The following UNC13B variants were observed in gnomAD, a reference collection of about 807,000 sequenced individuals.
UNC13B encodes the protein unc-13 homolog B, also known as protein unc-13 homolog B.
In UNC13B, 144 loss-of-function variants were observed where a neutral mutation model predicts 211.0. The observed-to-expected ratio is 0.68, with a 90% CI of 0.60 to 0.78. UNC13B has a LOEUF of 0.78. Ranked by LOEUF, UNC13B falls within the 30% of genes least tolerant of loss-of-function variation. The pLI is 0.00. For missense variants in UNC13B, 1,777 were observed against 2,002.0 expected (o/e 0.89, Z 2.14); for synonymous variants, 709 against 725.8 (o/e 0.98, Z 0.37).
At chr9:35,284,212 G>A (rs1359686101) in intron 7 of UNC13B, among the ~76,000 whole-genome samples, 2 of 152,162 alleles carry the variant, frequency 1.3e-5, no homozygotes, top group South Asian at 2.1e-4. Context: ...GTTACAGTGA[G>A]CTGAGATCAT....
chr9:35,367,263 G>A (rs770669060), intron 12 of UNC13B, among the ~76,000 whole-genome samples: 38 of 151,998 alleles, frequency 2.5e-4, no homozygotes, highest in Non-Finnish European at 4.3e-4. Flanking sequence ...TATAATTTCT[G>A]GTCCATCTTT....
intron 36 of UNC13B, 41 bp from the exon 37 acceptor site, chr9:35,400,255 T>C: frequency 6.2e-7 from 1 of 1,604,184 alleles, no homozygotes. Context: ...CTGCTTTCTG[T>C]AAGGGGATGA....
intron 11 of UNC13B, among the ~76,000 whole-genome samples, chr9:35,343,950 T>G (rs1236830024): frequency 6.6e-6 from 1 of 152,206 alleles, no homozygotes; most frequent in Non-Finnish European, 1.5e-5. Context: ...GGCTATTGGG[T>G]TAGATAAAAT....
intron 11 of UNC13B, among the ~76,000 whole-genome samples, chr9:35,350,663 T>A (rs1247895622): frequency 6.6e-6 from 1 of 152,234 alleles, no homozygotes; most frequent in Non-Finnish European, 1.5e-5. Context: ...GTCTGGACAG[T>A]GTGTGCGTAC....
intron 7 of UNC13B, among the ~76,000 whole-genome samples, chr9:35,278,113 A>G (rs1828280402): frequency 6.6e-6 from 1 of 152,206 alleles, no homozygotes; most frequent in South Asian, 2.1e-4. Flanking sequence ...GGCTTAGAGT[A>G]CAGTGATGTC....
At position 35,246,491 on chromosome 9, in the gene UNC13B, A is replaced by G. The variant is rs1215425672; in HGVS notation, c.468+3127A>G. ...GGGTTTTTATGATTTTAGGTCTAAC[A>G]TTTAAGTCTTTAATCCATCTTGAAT... is the stretch of plus-strand genomic sequence containing the variant. On this transcript the variant is annotated intron_variant, in intron 6 of 39. Transcript: ENST00000635942. Among the ~76,000 whole-genome samples, 4 of 152,266 alleles carry G rather than the reference A, an allele frequency of 2.6e-5. No individual in the cohort carries two copies. The South Asian group carries it at 8.3e-4, about 32-fold the overall frequency.
At chr9:35,208,570 G>T (rs1823791984) in intron 1 of UNC13B, among the ~76,000 whole-genome samples, 2 of 152,228 alleles carry the variant, frequency 1.3e-5, no homozygotes, top group Admixed American at 1.3e-4. Context: ...CATGGTGGAA[G>T]GCGAAAGGGA....
intron 11 of UNC13B, among the ~76,000 whole-genome samples, chr9:35,337,541 C>A (rs1831732534): frequency 6.6e-6 from 1 of 152,226 alleles, no homozygotes; most frequent in Admixed American, 6.5e-5. Context: ...TTCCACCATG[C>A]TTCCCTCTTA....
intron 7 of UNC13B, among the ~76,000 whole-genome samples, chr9:35,279,059 G>T (rs1268128444): frequency 6.6e-6 from 1 of 152,138 alleles, no homozygotes; most frequent in Non-Finnish European, 1.5e-5. Context: ...AACTCATGTA[G>T]CATAAAATAA....
At chr9:35,210,232 A>G (rs974309782) in intron 1 of UNC13B, among the ~76,000 whole-genome samples, 18 of 152,102 alleles carry the variant, frequency 1.2e-4, no homozygotes, top group African/African-American at 3.9e-4. Context: ...CCTCCACTCA[A>G]TTTGTATATA....
intron 11 of UNC13B, chr9:35,364,705 G>C (rs527811410): frequency 2.9e-5 from 30 of 1,023,198 alleles, no homozygotes; most frequent in Non-Finnish European, 3.9e-5. Context: ...TCTGAGCTTT[G>C]GCTCATGCAG....
chr9:35,375,446 G>T (rs1412683753), intron 14 of UNC13B, among the ~76,000 whole-genome samples: 1 of 152,224 alleles, frequency 6.6e-6, no homozygotes, highest in Non-Finnish European at 1.5e-5. Flanking sequence ...AAGGTTTTAT[G>T]ATGGACCTAG....
intron 6 of UNC13B, among the ~76,000 whole-genome samples, chr9:35,248,273 C>A (rs1196337104): frequency 6.6e-6 from 1 of 152,084 alleles, no homozygotes; most frequent in South Asian, 2.1e-4. Context: ...TGCTAGCAGT[C>A]TATCAATTTT....
Position 35,380,570 on chromosome 9 carries a change from G to A in UNC13B, c.10306G>A (p.Asp3436Asn). The A allele has an allele frequency of 6.2e-7, 1 of 1,614,212 alleles. No homozygotes were observed. The highest frequency in any genetic ancestry group is 8.5e-7 in the Non-Finnish European group (1 of 1,180,040). ...GCAACGCCTAAAGCGAGAGTCTGAT[G>A]ATTTCCTTGGCCAAACCATCATTGA... is the stretch of plus-strand genomic sequence containing the variant. ...VKQRLKRESD[D>N]FLGQTIIEVR... The change falls in exon 18 of 40, where the codon GAT (aspartate) becomes AAT (asparagine). Residue 3436 changes from aspartate (D) to asparagine (N), a missense_variant. Transcript: ENST00000635942.
rs775157894 is a variant in UNC13B, at chr9:35,313,898, G to A, written c.9324-1G>A. The A allele has an allele frequency of 6.2e-7, 1 of 1,612,842 alleles. No individual in the cohort carries two copies. The highest frequency in any genetic ancestry group is 8.5e-7 in the Non-Finnish European group (1 of 1,178,932). On this transcript the variant is annotated splice_acceptor_variant, in intron 10 of 39. Coordinates refer to ENST00000635942, the MANE Select transcript of UNC13B (RefSeq NM_001371189.2). LOFTEE classifies it high-confidence loss of function. Reference sequence around the variant, plus strand: ...GAAATGTACTTTTTCTCTGTTACAAGTTTTCCTGAGGAGAATGCATCTTCA... The same window carrying A: ...GAAATGTACTTTTTCTCTGTTACAAATTTTCCTGAGGAGAATGCATCTTCA...
intron 1 of UNC13B, among the ~76,000 whole-genome samples, chr9:35,168,393 T>C (rs1564039856): frequency 6.6e-6 from 1 of 152,188 alleles, no homozygotes; most frequent in Non-Finnish European, 1.5e-5. Flanking sequence ...GTCCTTACCC[T>C]CCTCCCACTC....
intron 7 of UNC13B, among the ~76,000 whole-genome samples, chr9:35,281,010 G>T (rs1303504919): frequency 6.6e-6 from 1 of 152,134 alleles, no homozygotes; most frequent in African/African-American, 2.4e-5. Flanking sequence ...GTTTCATTGG[G>T]AGGCTGAGGC....
intron 11 of UNC13B, among the ~76,000 whole-genome samples, chr9:35,328,900 T>C (rs1831205049): frequency 6.6e-6 from 1 of 151,814 alleles, no homozygotes; most frequent in South Asian, 2.1e-4. Flanking sequence ...CCCGAGTAGC[T>C]GGGACTACAG....
At chr9:35,327,346 G>A (rs1283344534) in intron 11 of UNC13B, among the ~76,000 whole-genome samples, 1 of 152,204 alleles carries the variant, frequency 6.6e-6, no homozygotes, top group Non-Finnish European at 1.5e-5. Context: ...AGAGGAGCCA[G>A]TAGAGGCTCA....
Sources: allele counts gnomAD v4.1 joint callset (sites outside exome capture counted in the v4.1 genomes callset), GRCh38; gene constraint gnomAD v4.1.1; transcripts MANE v1.5; gene names NCBI Gene and HGNC (gene_info 2026-07-23, HGNC 2026-07-21).